Variants in PTPRT observed in about 807,000 individuals in gnomAD.
PTPRT encodes the protein receptor-type tyrosine-protein phosphatase T.
A neutral mutation model predicts 176.8 loss-of-function variants in PTPRT; 56 were observed. The ratio of observed to expected loss-of-function variants is 0.32; its 90% CI spans 0.26 to 0.40. The LOEUF (loss-of-function observed/expected upper bound fraction) is 0.40. Ranked by LOEUF, PTPRT falls within the 10% of genes least tolerant of loss-of-function variation. PTPRT has a pLI of 1.00. For synonymous variants in PTPRT, 783 were observed against 739.0 expected, an observed-to-expected ratio of 1.06 and a Z score of -0.96; for missense variants, 1,540 against 1,908.2, an observed-to-expected ratio of 0.81 and a Z score of 3.60.
intron 7 of PTPRT, among the ~76,000 whole-genome samples, chr20:42,601,684 A>C (rs1420571499): frequency 1.3e-5 from 2 of 152,242 alleles, no homozygotes; most frequent in African/African-American, 4.8e-5. Context: ...GGGACGCAGC[A>C]CAACAAATCA....
intron 1 of PTPRT, among the ~76,000 whole-genome samples, chr20:43,089,356 G>C (rs1035692019): frequency 7.2e-5 from 11 of 152,246 alleles, no homozygotes; most frequent in South Asian, 2.1e-4. Flanking sequence ...GGTTTGAGAA[G>C]AGAAAATCAG....
At chr20:42,920,367 A>G (rs554293015) in intron 1 of PTPRT, among the ~76,000 whole-genome samples, 47 of 152,248 alleles carry the variant, frequency 3.1e-4, no homozygotes, top group African/African-American at 1.1e-3. Context: ...CAAAAAGCAG[A>G]TAAGTGGTCG....
intron 18 of PTPRT, among the ~76,000 whole-genome samples, chr20:42,138,311 C>G (rs1988465202): frequency 6.6e-6 from 1 of 152,190 alleles, no homozygotes. Flanking sequence ...GATGGAGGTA[C>G]TTACTCCTCC....
At chr20:43,002,640 A>G (rs1455401210) in intron 1 of PTPRT, among the ~76,000 whole-genome samples, 1 of 152,150 alleles carries the variant, frequency 6.6e-6, no homozygotes, top group South Asian at 2.1e-4. Flanking sequence ...GTCAAAAATA[A>G]AACCAAAATA....
rs369427321 is a variant in PTPRT at position 42,248,701 on chromosome 20, G to T, written c.2298C>A (p.Leu766=). ...CAGAGACTCACCTCCTTTTGATGGT[G>T]AGCATCACGCCCAGGAGAATGATGA... ...MFIIILLGVM[L]TIKRRRNAYS... is the part of the protein sequence containing the mutation. The change falls in exon 14 of 31, where the codon CTC becomes CTA. Residue 766 remains leucine (L), a synonymous_variant. Transcript: ENST00000373187. 70 of 1,613,764 alleles carry T rather than the reference G, an allele frequency of 4.3e-5. 1 individual carries two copies. Among genetic ancestry groups the T allele is most frequent in the Non-Finnish European group, 5.4e-5 (64 of 1,179,874 alleles).
intron 8 of PTPRT, among the ~76,000 whole-genome samples, chr20:42,458,123 G>A (rs2070955412): frequency 1.3e-5 from 2 of 152,226 alleles, no homozygotes; most frequent in African/African-American, 4.8e-5. Flanking sequence ...TTTCCCATTT[G>A]GGACTCCCTC....
chr20:42,501,347 A>G (rs2071747694), intron 7 of PTPRT, among the ~76,000 whole-genome samples: 1 of 152,146 alleles, frequency 6.6e-6, no homozygotes, highest in Admixed American at 6.5e-5. Flanking sequence ...CATTTATTCT[A>G]TTGTTGAGAA....
intron 17 of PTPRT, among the ~76,000 whole-genome samples, chr20:42,143,939 A>G (rs1486260364): frequency 1.3e-5 from 2 of 152,224 alleles, no homozygotes; most frequent in East Asian, 3.9e-4. Flanking sequence ...ATCAATTCGC[A>G]TCCAGTATTG....
At chr20:42,163,293 G>A (rs1381045009) in intron 16 of PTPRT, among the ~76,000 whole-genome samples, 1 of 152,148 alleles carries the variant, frequency 6.6e-6, no homozygotes, top group Admixed American at 6.5e-5. Flanking sequence ...GTCCTTTGGG[G>A]ACCAGCCAAA....
chr20:42,429,344 A>G (rs11907033), intron 9 of PTPRT, among the ~76,000 whole-genome samples: 18,002 of 152,178 alleles, frequency 0.12, 1,050 homozygotes, highest in Middle Eastern at 0.14. Context: ...GAATCGGGGC[A>G]GAGGTATCGT....
intron 1 of PTPRT, among the ~76,000 whole-genome samples, chr20:43,035,794 AT>A (rs1986354486): frequency 6.6e-6 from 1 of 152,194 alleles, no homozygotes; most frequent in Admixed American, 6.5e-5. Flanking sequence ...TTCTGTGTCA[AT>A]TTTTTTCCAC....
intron 6 of PTPRT, among the ~76,000 whole-genome samples, chr20:42,731,407 C>T (rs1218884749): frequency 1.3e-5 from 2 of 152,206 alleles, no homozygotes; most frequent in Non-Finnish European, 2.9e-5. Flanking sequence ...AAGATGGCTC[C>T]AGTGGAGATG....
intron 2 of PTPRT, among the ~76,000 whole-genome samples, chr20:42,795,112 C>T (rs553064379): frequency 3.3e-5 from 5 of 151,956 alleles, no homozygotes; most frequent in Admixed American, 6.5e-5. Flanking sequence ...AAAAATGAGC[C>T]GGTCATTACG....
At chr20:43,084,103 C>CA (rs1413092868) in intron 1 of PTPRT, among the ~76,000 whole-genome samples, 1 of 152,132 alleles carries the variant, frequency 6.6e-6, no homozygotes, top group East Asian at 1.9e-4. Context: ...CGTAGGTTTT[C>CA]ATTACTCTTG....
chr20:42,241,467 T>C (rs984313048), intron 14 of PTPRT, among the ~76,000 whole-genome samples: 2 of 152,116 alleles, frequency 1.3e-5, no homozygotes, highest in African/African-American at 4.8e-5. Flanking sequence ...GGAAGTCATG[T>C]GGCCAAATAT....
chr20:42,586,554 G>A (rs1405107594), intron 7 of PTPRT, among the ~76,000 whole-genome samples: 1 of 152,282 alleles, frequency 6.6e-6, no homozygotes, highest in East Asian at 1.9e-4. Context: ...CACACTCAGA[G>A]AAGGACTTCG....
At position 42,478,033 on chromosome 20, in the gene PTPRT, C is replaced by T. The variant is rs6102852; in HGVS notation, c.1154-5471G>A. On this transcript the variant is annotated intron_variant, in intron 7 of 30. Coordinates refer to ENST00000373187, the MANE Select transcript of PTPRT (RefSeq NM_007050.6). Reference sequence around the variant, plus strand: ...TATGACCCCCTAGAATTCCCTGCCACGAGGCCCTACACTCAGTTTCTTCCT... The same window carrying T: ...TATGACCCCCTAGAATTCCCTGCCATGAGGCCCTACACTCAGTTTCTTCCT... Among the ~76,000 whole-genome samples the T allele has an allele frequency of 1.1e-4, 17 of 151,944 alleles. No individual in the cohort carries two copies. The East Asian group carries it at 1.2e-3, about 10-fold the overall frequency.
intron 15 of PTPRT, among the ~76,000 whole-genome samples, chr20:42,234,286 C>A (rs2056194637): frequency 6.6e-6 from 1 of 152,148 alleles, no homozygotes; most frequent in Non-Finnish European, 1.5e-5. Context: ...AGTCAGGCAC[C>A]ATTACCCTCA....
intron 1 of PTPRT, among the ~76,000 whole-genome samples, chr20:43,132,891 T>C (rs906581206): frequency 2.6e-5 from 4 of 152,136 alleles, no homozygotes; most frequent in Non-Finnish European, 5.9e-5. Context: ...GTTTATATGA[T>C]ATAATATGAC....
Sources: allele counts gnomAD v4.1 joint callset (sites outside exome capture counted in the v4.1 genomes callset), GRCh38; gene constraint gnomAD v4.1.1; transcripts MANE v1.5; gene names NCBI Gene and HGNC (gene_info 2026-07-23, HGNC 2026-07-21).